EXOC4: variants seen among roughly 807,000 people sequenced by gnomAD.
The protein encoded by EXOC4 is exocyst complex component 4, also known as SEC8-like 1.
Under a neutral mutation model 107.2 loss-of-function variants are expected in EXOC4, and 71 were observed. That is an observed-to-expected ratio of 0.66 (90% CI 0.55 to 0.81). EXOC4 has a LOEUF of 0.81. EXOC4 is among the 30% of genes least tolerant of loss of function. EXOC4 has a pLI of 0.00. For synonymous variants in EXOC4, 456 were observed against 441.2 expected (o/e 1.03, Z -0.42); for missense variants, 1,108 against 1,189.6 (o/e 0.93, Z 1.01).
At position 133,997,558 on chromosome 7, in the gene EXOC4, A is replaced by G. The variant is rs1794425433; in HGVS notation, c.2273A>G (p.Gln758Arg). 1 of 1,613,660 alleles carries G rather than the reference A, an allele frequency of 6.2e-7. No homozygotes were observed. Among genetic ancestry groups the G allele is most frequent in the African/African-American group, 1.3e-5 (1 of 74,894 alleles). Reference sequence around the variant, plus strand: ...CCCCCAGTGTCAGAGCAGATCATGCAGACTCTCAGTGAACTTGCCAAATCG... The same window carrying G: ...CCCCCAGTGTCAGAGCAGATCATGCGGACTCTCAGTGAACTTGCCAAATCG... Reference protein sequence around the residue: ...DLPPVSEQIMQTLSELAKSFQ... With the variant: ...DLPPVSEQIMRTLSELAKSFQ... Residue 758 changes from glutamine to arginine, a missense_variant, in exon 15 of 18, where the codon CAG (glutamine) becomes CGG (arginine). Physicochemically the swap from Gln to Arg is conservative, Grantham distance 43. Transcript: ENST00000253861.
intron 13 of EXOC4, among the ~76,000 whole-genome samples, chr7:133,937,487 AT>A (rs1164829626): frequency 6.6e-6 from 1 of 152,148 alleles, no homozygotes; most frequent in Non-Finnish European, 1.5e-5. Context: ...TAACTTGGTT[AT>A]TTTATTTTCA....
intron 14 of EXOC4, among the ~76,000 whole-genome samples, chr7:133,979,816 G>A (rs1793936680): frequency 6.6e-6 from 1 of 152,002 alleles, no homozygotes; most frequent in East Asian, 1.9e-4. Flanking sequence ...ACCCTAAATT[G>A]CCTTCGTTAA....
chr7:133,830,802 A>G (rs1234818544), intron 11 of EXOC4, among the ~76,000 whole-genome samples: 1 of 152,172 alleles, frequency 6.6e-6, no homozygotes, highest in Non-Finnish European at 1.5e-5. Context: ...TACCTTATTC[A>G]TACTGCCTTA....
intron 9 of EXOC4, among the ~76,000 whole-genome samples, chr7:133,561,626 C>T (rs908830731): frequency 1.3e-5 from 2 of 152,100 alleles, no homozygotes; most frequent in Admixed American, 6.5e-5. Context: ...TTTGCTATAA[C>T]GTTGATGAGA....
At chr7:133,343,532 C>T (rs530523087) in intron 5 of EXOC4, among the ~76,000 whole-genome samples, 59 of 152,082 alleles carry the variant, frequency 3.9e-4, no homozygotes, top group Non-Finnish European at 6.6e-4. Flanking sequence ...CCACCTCAGC[C>T]TCCCAATGTG....
chr7:133,524,885 T>C (rs1039820026), intron 9 of EXOC4, among the ~76,000 whole-genome samples: 10 of 152,328 alleles, frequency 6.6e-5, no homozygotes, highest in African/African-American at 2.2e-4. Context: ...TGAGTGTATC[T>C]GGCTTATAAA....
intron 10 of EXOC4, among the ~76,000 whole-genome samples, chr7:133,723,419 T>G (rs1441039776): frequency 1.3e-5 from 2 of 152,218 alleles, no homozygotes; most frequent in Non-Finnish European, 2.9e-5. Context: ...TATATCCCCC[T>G]CTGGCAGAGA....
intron 9 of EXOC4, among the ~76,000 whole-genome samples, chr7:133,629,466 T>A (rs562948477): frequency 6.6e-6 from 1 of 152,338 alleles, no homozygotes; most frequent in South Asian, 2.1e-4. Flanking sequence ...CCTTTAAATG[T>A]CGCATTTATT....
At chr7:133,630,971 A>G (rs112886574) in intron 10 of EXOC4, among the ~76,000 whole-genome samples, 180 of 152,292 alleles carry the variant, frequency 1.2e-3, no homozygotes, top group African/African-American at 4.1e-3. Context: ...AGTTTATGAT[A>G]AAAAAGTTCT....
At chr7:133,937,642 C>T (rs1039152761) in intron 13 of EXOC4, among the ~76,000 whole-genome samples, 1 of 152,188 alleles carries the variant, frequency 6.6e-6, no homozygotes, top group Non-Finnish European at 1.5e-5. Flanking sequence ...AAATCAGGCC[C>T]ATACTGGTCC....
intron 9 of EXOC4, among the ~76,000 whole-genome samples, chr7:133,523,590 C>T (rs1800022383): frequency 6.6e-6 from 1 of 151,984 alleles, no homozygotes; most frequent in Non-Finnish European, 1.5e-5. Context: ...TATCCCTCCC[C>T]CCTTCCCCCA....
chr7:133,731,385 A>C (rs980213334), intron 10 of EXOC4, among the ~76,000 whole-genome samples: 1 of 152,276 alleles, frequency 6.6e-6, no homozygotes, highest in Admixed American at 6.5e-5. Flanking sequence ...GACATGCATA[A>C]ATGAATATCC....
chr7:133,669,004 A>ATTTTTTTTTTTTTT (rs58354607), intron 10 of EXOC4, among the ~76,000 whole-genome samples: 1 of 118,450 alleles, frequency 8.4e-6, no homozygotes, highest in African/African-American at 3.1e-5. Context: ...TGTTCTCCCA[A>ATTTTTTTTTTTTTT]TTTTTTTTTT....
chr7:133,491,697 A>G (rs904000710), intron 9 of EXOC4, among the ~76,000 whole-genome samples: 39 of 152,314 alleles, frequency 2.6e-4, no homozygotes, highest in African/African-American at 8.9e-4. Flanking sequence ...GTAGAAGATA[A>G]GACATGCAAA....
intron 10 of EXOC4, among the ~76,000 whole-genome samples, chr7:133,714,127 G>C (rs1157171372): frequency 2.0e-5 from 3 of 152,120 alleles, no homozygotes; most frequent in Admixed American, 2.0e-4. Flanking sequence ...AGAGTTGGGA[G>C]AGAGTTTTTT....
the EXOC4 span, among the ~76,000 whole-genome samples, chr7:134,094,510 G>A: frequency 6.6e-6 from 1 of 152,034 alleles, no homozygotes; most frequent in African/African-American, 2.4e-5. Flanking sequence ...TACCAATTCT[G>A]CTGACACTAT....
rs1212763918 is a variant in EXOC4 at position 133,754,046 on chromosome 7, T to TG, written c.1515-63274dup. Among the ~76,000 whole-genome samples, 6 of 152,314 alleles carry TG rather than the reference T, an allele frequency of 3.9e-5. No individual in the cohort carries two copies. In the East Asian group the frequency reaches 1.2e-3, roughly 29 times the overall value. ...TCAGTCACGTAGAGGATGTTTTGAA[T>TG]GGGGGCAAAACCAAAGGCAACGAAA... On this transcript the variant is annotated intron_variant, in intron 10 of 17. Transcript: ENST00000253861.
intron 9 of EXOC4, among the ~76,000 whole-genome samples, chr7:133,499,899 A>G (rs1218573483): frequency 1.3e-5 from 2 of 152,156 alleles, no homozygotes; most frequent in Non-Finnish European, 2.9e-5. Context: ...GAGCCAGTTA[A>G]ACCTCTTTTC....
intron 15 of EXOC4, among the ~76,000 whole-genome samples, chr7:133,999,121 G>C (rs1188047960): frequency 6.6e-6 from 1 of 152,132 alleles, no homozygotes; most frequent in Non-Finnish European, 1.5e-5. Flanking sequence ...CAAAACATCA[G>C]GATCAGAAAG....
Sources: gnomAD v4.1 joint callset for allele counts (sites outside exome capture counted in the v4.1 genomes callset) on GRCh38, gnomAD v4.1.1 for gene constraint, MANE v1.5 for transcripts, NCBI Gene and HGNC (gene_info 2026-07-23, HGNC 2026-07-21) for gene names.